The following MAN2A1 variants were observed in gnomAD, a reference collection of about 807,000 sequenced individuals.
The protein encoded by MAN2A1 is mannosidase alpha class 2A member 1, also known as alpha-mannosidase 2.
MAN2A1 carries 76 observed loss-of-function variants against 142.6 expected under a neutral mutation model. That is an observed-to-expected ratio of 0.53 (90% CI 0.44 to 0.65). The LOEUF (loss-of-function observed/expected upper bound fraction) is 0.65. Ranked by LOEUF, MAN2A1 falls within the 30% of genes least tolerant of loss-of-function variation. MAN2A1 has a pLI of 0.00. For synonymous variants in MAN2A1, 559 were observed against 473.2 expected (o/e 1.18, Z -2.35); for missense variants, 1,311 against 1,365.1 (o/e 0.96, Z 0.62).
intron 4 of MAN2A1, among the ~76,000 whole-genome samples, chr5:109,736,475 C>G (rs574694230): frequency 1.3e-5 from 2 of 152,058 alleles, no homozygotes; most frequent in Non-Finnish European, 2.9e-5. Context: ...TGTGATCATG[C>G]CCCTGCACTC....
chr5:109,834,202 T>A (rs926814422), intron 16 of MAN2A1, among the ~76,000 whole-genome samples: 1 of 152,162 alleles, frequency 6.6e-6, no homozygotes, highest in Non-Finnish European at 1.5e-5. Flanking sequence ...TCAAATATCA[T>A]GATTAGTTCA....
intron 12 of MAN2A1, among the ~76,000 whole-genome samples, chr5:109,795,465 C>T (rs1056294355): frequency 1.3e-5 from 2 of 152,056 alleles, no homozygotes; most frequent in African/African-American, 4.8e-5. Flanking sequence ...CTTAGTTTCC[C>T]ATTAAAGCTC....
chr5:109,865,863 G>A (rs951875745), intron 21 of MAN2A1, among the ~76,000 whole-genome samples: 1 of 152,188 alleles, frequency 6.6e-6, no homozygotes, highest in Non-Finnish European at 1.5e-5. Context: ...CTCTGTCACT[G>A]AAAGGGCCAT....
Position 109,718,334 on chromosome 5 carries a change from T to C in MAN2A1, c.535+2070T>C, listed in dbSNP as rs79042215. Among the ~76,000 whole-genome samples the C allele has an allele frequency of 4.2e-3, 645 of 152,356 alleles. 6 individuals are homozygous for C. Among genetic ancestry groups the C allele is most frequent in the African/African-American group, 0.015 (607 of 41,582 alleles). ...TAATTCTCACCAATCTCATTTCTTG[T>C]TATTCCATACATGGGCACTTAACTG... On this transcript the variant is annotated intron_variant, in intron 3 of 21. Transcript: ENST00000261483.
At chr5:109,783,961 G>A (rs1753530066) in intron 9 of MAN2A1, among the ~76,000 whole-genome samples, 1 of 151,884 alleles carries the variant, frequency 6.6e-6, no homozygotes, top group Non-Finnish European at 1.5e-5. Flanking sequence ...AAACTCTTGG[G>A]CTCAAGTGAT....
chr5:109,833,476 C>T (rs904032839), intron 16 of MAN2A1, among the ~76,000 whole-genome samples: 4 of 152,052 alleles, frequency 2.6e-5, no homozygotes, highest in African/African-American at 4.8e-5. Context: ...GAGACCAGCC[C>T]GGCCAACACG....
At chr5:109,841,348 T>G (rs530862458) in intron 16 of MAN2A1, among the ~76,000 whole-genome samples, 2 of 152,312 alleles carry the variant, frequency 1.3e-5, no homozygotes, top group East Asian at 3.9e-4. Context: ...TCTTATGCCT[T>G]TGCATCCTCA....
At chr5:109,765,733 A>G (rs1752971600) in intron 5 of MAN2A1, among the ~76,000 whole-genome samples, 1 of 152,112 alleles carries the variant, frequency 6.6e-6, no homozygotes, top group African/African-American at 2.4e-5. Flanking sequence ...TTATATCAGT[A>G]TGGGCTCATG....
intron 4 of MAN2A1, among the ~76,000 whole-genome samples, chr5:109,747,346 T>C (rs1752434806): frequency 6.6e-6 from 1 of 152,226 alleles, no homozygotes; most frequent in Non-Finnish European, 1.5e-5. Flanking sequence ...TGTATTTTTG[T>C]TATATTTTTA....
intron 16 of MAN2A1, among the ~76,000 whole-genome samples, chr5:109,841,149 A>T (rs1755192654): frequency 2.0e-5 from 3 of 152,058 alleles, no homozygotes; most frequent in Non-Finnish European, 2.9e-5. Context: ...CACCGTTTTT[A>T]AAAAAAATTT....
intron 10 of MAN2A1, among the ~76,000 whole-genome samples, chr5:109,786,617 A>G (rs768285803): frequency 6.6e-6 from 1 of 152,118 alleles, no homozygotes; most frequent in Non-Finnish European, 1.5e-5. Flanking sequence ...TTCACAGTTC[A>G]TTGAAAAGTC....
chr5:109,772,151 T>C (rs1753164488), intron 7 of MAN2A1, among the ~76,000 whole-genome samples: 1 of 152,116 alleles, frequency 6.6e-6, no homozygotes, highest in Non-Finnish European at 1.5e-5. Context: ...TCCTAGCACT[T>C]TGGGAGGCCG....
intron 16 of MAN2A1, among the ~76,000 whole-genome samples, chr5:109,838,484 A>G (rs941346955): frequency 2.0e-5 from 3 of 152,188 alleles, no homozygotes; most frequent in Admixed American, 6.5e-5. Context: ...ACCACTGGAT[A>G]CTGCTGGTTT....
intron 20 of MAN2A1, chr5:109,864,650 G>A (rs995550932): frequency 6.1e-6 from 1 of 164,164 alleles, no homozygotes; most frequent in African/African-American, 2.4e-5. Flanking sequence ...TAAGGACTAA[G>A]TTCAGGTGCA....
intron 13 of MAN2A1, 116 bp downstream of exon 13, chr5:109,817,554 G>A: frequency 1.0e-6 from 1 of 986,756 alleles, no homozygotes; most frequent in South Asian, 1.7e-5. Flanking sequence ...GTGAGGTGAT[G>A]AAAGTTGTAA....
rs774408206 is a variant in MAN2A1 at position 109,819,655 on chromosome 5, C to G, written c.2110-14C>G. On this transcript the variant is annotated splice_polypyrimidine_tract_variant and intron_variant, in intron 13 of 21. Transcript: ENST00000261483. ...CATTTATCTTTAATAAATTCCCTTC[C>G]CTATCTTTTAAAGATCTCTTTTCGA... 3 of 1,470,838 alleles carry G rather than the reference C, an allele frequency of 2.0e-6. No homozygotes were observed. Among genetic ancestry groups the G allele is most frequent in the Non-Finnish European group, 2.8e-6 (3 of 1,085,296 alleles). 91.1% of individuals were successfully genotyped at this position (1,470,838 alleles called of 1,614,324 possible). A position where few individuals can be genotyped will look rare whatever the true frequency, so the allele number is the denominator to read the frequency against.
intron 1 of MAN2A1, among the ~76,000 whole-genome samples, chr5:109,706,404 A>G (rs1751133133): frequency 1.3e-5 from 2 of 152,246 alleles, no homozygotes; most frequent in Non-Finnish European, 2.9e-5. Context: ...TTCACTGCTT[A>G]CTTGTTGGCA....
intron 5 of MAN2A1, among the ~76,000 whole-genome samples, chr5:109,759,956 TATATATATAGATAGATAGATAGATAG>T (rs1277532243): frequency 2.3e-4 from 28 of 122,202 alleles, no homozygotes; most frequent in African/African-American, 4.1e-4. Context: ...GCTATATATA[TATATATATAGATAGATAGATAGATAG>T]ATAGATAGAT....
At chr5:109,714,764 T>C (rs1270838964) in intron 2 of MAN2A1, among the ~76,000 whole-genome samples, 1 of 152,210 alleles carries the variant, frequency 6.6e-6, no homozygotes, top group Non-Finnish European at 1.5e-5. Context: ...GAACATGATA[T>C]GATCTTGAGG....
Sources: gnomAD v4.1 joint callset for allele counts (sites outside exome capture counted in the v4.1 genomes callset) on GRCh38, gnomAD v4.1.1 for gene constraint, MANE v1.5 for transcripts, NCBI Gene and HGNC (gene_info 2026-07-23, HGNC 2026-07-21) for gene names.